Variants in HEPH observed in about 807,000 individuals in gnomAD.
The protein encoded by HEPH is hephaestin.
Under a neutral mutation model 80.8 loss-of-function variants are expected in HEPH, and 69 were observed. That is an observed-to-expected ratio of 0.85 (90% CI 0.70 to 1.04). HEPH has a LOEUF of 1.04. Ranked by LOEUF, HEPH falls within the 50% of genes least tolerant of loss-of-function variation. The pLI, the probability that HEPH is intolerant of heterozygous loss-of-function variation, is 0.00. For missense variants in HEPH, 1,115 were observed against 891.3 expected (o/e 1.25, Z -3.20); for synonymous variants, 431 against 322.8 (o/e 1.34, Z -3.60).
intron 17 of HEPH, 142 bp from the exon 18 acceptor site, chrX:66,258,698 G>GA (rs1348091370): frequency 9.6e-6 from 4 of 418,837 alleles, no homozygotes; most frequent in East Asian, 8.5e-5. Context: ...GGGACAGATG[G>GA]AAAAAAGATG....
At chrX:66,162,704 A>G (rs2086233593), upstream of HEPH, 2 of 1,151,368 alleles carry the variant, frequency 1.7e-6, no homozygotes, top group African/African-American at 3.6e-5. Flanking sequence ...GTGTCTGAGC[A>G]CACTTAAGAA....
chrX:66,183,612 C>A (rs2087261165), intron 4 of HEPH, among the ~76,000 whole-genome samples: 1 of 49,635 alleles, frequency 2.0e-5, no homozygotes. Context: ...ATTAGTCTTG[C>A]TAGCGGTCTA....
At chrX:66,173,920 G>C (rs2086698656) in intron 4 of HEPH, 119 bp downstream of exon 4, 1 of 414,425 alleles carries the variant, frequency 2.4e-6, no homozygotes. Flanking sequence ...CAGCACTCTT[G>C]TTTATTAGCA....
chrX:66,176,648 C>A lies in HEPH; in HGVS notation c.625+2847C>A, dbSNP rs890156927. The stretch of plus-strand genomic sequence containing the variant: ...ATATCTCCTAATGCTATCCCTCCCC[C>A]CTCTCCCCACCCCACAACAGTCCCT... On this transcript the variant is annotated intron_variant, in intron 4 of 20. Coordinates refer to ENST00000343002, the MANE Select transcript of HEPH (RefSeq NM_001367233.3). Among the ~76,000 whole-genome samples, 120 of 111,008 alleles carry A rather than the reference C, an allele frequency of 1.1e-3. 1 individual carries two copies. The highest frequency in any genetic ancestry group is 2.5e-3 in the Admixed American group (26 of 10,453).
chrX:66,203,165 G>T (rs1339655712), intron 12 of HEPH, among the ~76,000 whole-genome samples, 199 bp from the exon 13 acceptor site: 1 of 109,413 alleles, frequency 9.1e-6, no homozygotes, highest in Non-Finnish European at 1.9e-5. Context: ...CTTTGGAGCC[G>T]GAGCTCTTAA....
At chrX:66,255,556 G>A (rs1248709406) in intron 16 of HEPH, among the ~76,000 whole-genome samples, 2 of 111,574 alleles carry the variant, frequency 1.8e-5, no homozygotes, top group South Asian at 3.8e-4. Flanking sequence ...TGGATTTATC[G>A]ATCTAGCCAT....
At chrX:66,200,152 C>T (rs1381836250) in intron 11 of HEPH, among the ~76,000 whole-genome samples, 1 of 108,778 alleles carries the variant, frequency 9.2e-6, no homozygotes, top group African/African-American at 3.4e-5. Flanking sequence ...GGAAAAGGAA[C>T]AATCAGAGTG....
chrX:66,232,459 A>G (rs1423582334), intron 15 of HEPH, among the ~76,000 whole-genome samples: 2 of 111,741 alleles, frequency 1.8e-5, no homozygotes, highest in Non-Finnish European at 3.8e-5. Context: ...CCATACCACT[A>G]TTGAAAATAT....
At chrX:66,210,874 T>A (rs768701685) in intron 15 of HEPH, among the ~76,000 whole-genome samples, 1 of 111,626 alleles carries the variant, frequency 9.0e-6, no homozygotes, top group South Asian at 3.8e-4. Flanking sequence ...AGAAAATAAA[T>A]GCAGGAAGCA....
chrX:66,264,952 T>C (rs1049466467), intron 20 of HEPH, among the ~76,000 whole-genome samples: 4 of 108,853 alleles, frequency 3.7e-5, no homozygotes, highest in African/African-American at 1.3e-4. Flanking sequence ...ACATTCCTCA[T>C]AAGCTCTCAT....
At chrX:66,265,159 T>G (rs1258297979) in intron 20 of HEPH, among the ~76,000 whole-genome samples, 1 of 111,036 alleles carries the variant, frequency 9.0e-6, no homozygotes, top group African/African-American at 3.3e-5. Context: ...CTGTCTTCTC[T>G]CAGTTGTGTT....
intron 15 of HEPH, among the ~76,000 whole-genome samples, chrX:66,227,024 A>G (rs2089922175): frequency 8.9e-6 from 1 of 112,039 alleles, no homozygotes; most frequent in African/African-American, 3.3e-5. Flanking sequence ...ACATAGATGC[A>G]GAAATCCTCT....
In HEPH at chrX:66,173,641, TC is replaced by T; in HGVS notation, c.470del (p.Pro157ArgfsTer33). On this transcript the variant is annotated frameshift_variant, in exon 4 of 21. Transcript: ENST00000343002. LOFTEE classifies it high-confidence loss of function. ...GGCCACTGAAAGCTGATGACTCTGT[TC>T]CCCCGGGGGGCAGCCATATCTACAA... is the stretch of plus-strand genomic sequence containing the variant. ...SGPLKADDSV[P>X]PGGSHIYNWT... The T allele has an allele frequency of 1.7e-6, 2 of 1,210,226 alleles. No homozygotes were observed. The highest frequency in any genetic ancestry group is 2.2e-6 in the Non-Finnish European group (2 of 894,825).
chrX:66,222,424 C>CT (rs1310330831), intron 15 of HEPH, among the ~76,000 whole-genome samples: 25 of 112,182 alleles, frequency 2.2e-4, no homozygotes, highest in African/African-American at 6.5e-5. Flanking sequence ...ATAACAATTG[C>CT]TTTTTTTTAA....
At chrX:66,208,358 C>A in intron 15 of HEPH, 112 bp downstream of exon 15, 1 of 762,268 alleles carries the variant, frequency 1.3e-6, no homozygotes. Flanking sequence ...ATAGCTCATT[C>A]CTGTAATCCC....
Position 66,266,709 on chromosome X carries a change from T to C in HEPH, c.*37T>C. ...TGGAGATATCCTCAGGAAGCACATC[T>C]GTAGTGCACTCCCAGCAGGCCATGG... On this transcript the variant is annotated 3_prime_UTR_variant, in exon 21 of 21. Coordinates refer to ENST00000343002, the MANE Select transcript of HEPH (RefSeq NM_001367233.3). 1 of 992,162 alleles carries C rather than the reference T, an allele frequency of 1.0e-6. No homozygotes were observed. Among genetic ancestry groups the C allele is most frequent in the South Asian group, 2.0e-5 (1 of 49,169 alleles). The allele number at this position is 992,162 out of a possible 1,213,427, so 81.8% of individuals were successfully genotyped here.
At position 66,203,424 on chromosome X, in the gene HEPH, A is replaced by T; in HGVS notation, c.2138A>T (p.Tyr713Phe). The change falls in exon 13 of 21, where the codon TAT becomes TTT. Residue 713 changes from tyrosine (Y) to phenylalanine (F), a missense_variant. By Grantham distance (22) the Tyr-to-Phe change is conservative (BLOSUM62 3). Coordinates refer to ENST00000343002, the MANE Select transcript of HEPH (RefSeq NM_001367233.3). ...CGAGAAGCAGGGATGAGGGCAATCTATAATGTCTCCCAGTGTCCTGGCCAC... is the reference window on the plus strand; with the variant it reads ...CGAGAAGCAGGGATGAGGGCAATCTTTAATGTCTCCCAGTGTCCTGGCCAC... ...SHREAGMRAI[Y>F]NVSQCPGHQA... 8.3e-7 allele frequency: 1 copy of T among 1,210,571 alleles called. No individual in the cohort carries two copies. Among genetic ancestry groups the T allele is most frequent in the Non-Finnish European group, 1.1e-6 (1 of 895,178 alleles).
intron 15 of HEPH, among the ~76,000 whole-genome samples, chrX:66,245,520 C>T: frequency 9.0e-6 from 1 of 111,272 alleles, no homozygotes; most frequent in Middle Eastern, 4.6e-3. Flanking sequence ...GATACCCACA[C>T]AATAATAATG....
intron 15 of HEPH, among the ~76,000 whole-genome samples, chrX:66,230,620 GTTGT>G (rs1232146786): frequency 6.1e-5 from 6 of 97,955 alleles, no homozygotes; most frequent in African/African-American, 2.3e-4. Flanking sequence ...TTTTGATGGG[GTTGT>G]TTGTTTTTTT....
Sources: allele counts gnomAD v4.1 joint callset (sites outside exome capture counted in the v4.1 genomes callset), GRCh38; gene constraint gnomAD v4.1.1; transcripts MANE v1.5; gene names NCBI Gene and HGNC (gene_info 2026-07-23, HGNC 2026-07-21).